MARCHF1: variants seen among roughly 807,000 people sequenced by gnomAD.
The protein encoded by MARCHF1 is membrane associated ring-CH-type finger 1.
Under a neutral mutation model 54.2 loss-of-function variants are expected in MARCHF1, and 40 were observed. The observed-to-expected ratio is 0.74, with a 90% CI of 0.57 to 0.96. The LOEUF (loss-of-function observed/expected upper bound fraction) is 0.96. Ranked by LOEUF, MARCHF1 falls within the 40% of genes least tolerant of loss-of-function variation. The probability of loss-of-function intolerance (pLI) is 0.00; values close to 1 mark genes in which losing one functional copy is unlikely to be tolerated. For synonymous variants in MARCHF1, 236 were observed against 236.3 expected, an observed-to-expected ratio of 1.00 and a Z score of 0.01; for missense variants, 586 against 656.5, an observed-to-expected ratio of 0.89 and a Z score of 1.17.
chr4:163,830,548 G>C (rs1030117430), intron 4 of MARCHF1, among the ~76,000 whole-genome samples: 8 of 152,164 alleles, frequency 5.3e-5, no homozygotes, highest in Admixed American at 5.2e-4. Context: ...TTCCAGATTT[G>C]GAAAGGTAAA....
At chr4:163,744,394 TAGTA>T (rs535459418) in intron 4 of MARCHF1, among the ~76,000 whole-genome samples, 2 of 152,328 alleles carry the variant, frequency 1.3e-5, no homozygotes, top group East Asian at 1.9e-4. Flanking sequence ...ACCTCTTATA[TAGTA>T]AGTATCTCCT....
chr4:163,789,642 T>C (rs1319232933), intron 4 of MARCHF1, among the ~76,000 whole-genome samples: 1 of 152,076 alleles, frequency 6.6e-6, no homozygotes, highest in East Asian at 1.9e-4. Flanking sequence ...GGGGCATAAA[T>C]TTAGCATTTT....
rs567383405 is a variant in MARCHF1 at position 163,893,108 on chromosome 4, C to T, written c.-38-38939G>A. Among the ~76,000 whole-genome samples, 66 of 151,416 alleles carry T rather than the reference C, an allele frequency of 4.4e-4. 1 individual carries two copies. The highest frequency in any genetic ancestry group is 1.5e-3 in the Admixed American group (22 of 15,172). On this transcript the variant is annotated intron_variant, in intron 3 of 9. Coordinates refer to ENST00000514618, the MANE Select transcript of MARCHF1 (RefSeq NM_001394959.1). ...TCTGGACAGTAAACAAACCTCCTTC[C>T]GCTCCAGAGGGAGACCCAACCTTAC...
At chr4:164,045,586 T>G (rs921608264) in intron 2 of MARCHF1, among the ~76,000 whole-genome samples, 1 of 151,752 alleles carries the variant, frequency 6.6e-6, no homozygotes, top group Non-Finnish European at 1.5e-5. Context: ...GATTATGTGC[T>G]TCAGATTTAG....
At chr4:163,970,100 T>C (rs1752520359) in intron 3 of MARCHF1, among the ~76,000 whole-genome samples, 1 of 152,190 alleles carries the variant, frequency 6.6e-6, no homozygotes, top group Admixed American at 6.5e-5. Context: ...CACAGTGACT[T>C]AGACTACTCT....
chr4:163,702,920 G>T (rs1377929996), intron 4 of MARCHF1, among the ~76,000 whole-genome samples: 1 of 152,146 alleles, frequency 6.6e-6, no homozygotes, highest in African/African-American at 2.4e-5. Context: ...TTAACACGTG[G>T]TAGGACAGTG....
In MARCHF1 at chr4:163,907,334, T is replaced by C. The variant is rs574056715; in HGVS notation, c.-38-53165A>G. ...TTTACATGTTTGTGTAATTTTGTCT[T>C]GTTTGTTTTAAGAAAATGTAAGTAG... On this transcript the variant is annotated intron_variant, in intron 3 of 9. Coordinates refer to ENST00000514618, the MANE Select transcript of MARCHF1 (RefSeq NM_001394959.1). Among the ~76,000 whole-genome samples the C allele has an allele frequency of 1.6e-4, 25 of 152,160 alleles. No individual in the cohort carries two copies. The South Asian group carries it at 1.7e-3, about 10-fold the overall frequency.
At chr4:163,839,179 T>A (rs1032487492) in intron 4 of MARCHF1, among the ~76,000 whole-genome samples, 1 of 151,994 alleles carries the variant, frequency 6.6e-6, no homozygotes, top group Non-Finnish European at 1.5e-5. Context: ...CATCACTTCA[T>A]ACCAATTAGC....
chr4:163,639,692 A>G (rs1052176461), intron 5 of MARCHF1, among the ~76,000 whole-genome samples: 3 of 152,076 alleles, frequency 2.0e-5, no homozygotes, highest in African/African-American at 7.2e-5. Flanking sequence ...TTGTCACACT[A>G]TTTGGACTTT....
At chr4:164,175,760 C>A (rs1157397046) in intron 1 of MARCHF1, among the ~76,000 whole-genome samples, 1 of 152,206 alleles carries the variant, frequency 6.6e-6, no homozygotes, top group East Asian at 1.9e-4. Context: ...GAACTTCCAG[C>A]CCACCACGCT....
intron 4 of MARCHF1, among the ~76,000 whole-genome samples, chr4:163,727,305 CTTTT>C (rs1435776821): frequency 7.4e-6 from 1 of 135,110 alleles, no homozygotes; most frequent in African/African-American, 2.7e-5. Context: ...AAATTCATTT[CTTTT>C]TTTTCTTTTT....
intron 8 of MARCHF1, among the ~76,000 whole-genome samples, chr4:163,580,037 A>C (rs1740168608): frequency 6.6e-6 from 1 of 150,662 alleles, no homozygotes; most frequent in South Asian, 2.1e-4. Flanking sequence ...GTTCATCCAG[A>C]ATTGTCTTTT....
intron 2 of MARCHF1, among the ~76,000 whole-genome samples, chr4:164,110,789 GA>G (rs1420438940): frequency 4.0e-5 from 6 of 151,368 alleles, no homozygotes; most frequent in Non-Finnish European, 8.9e-5. Flanking sequence ...TCTGTCATAG[GA>G]AACTACTTAT....
chr4:164,371,540 A>G (rs948425043), intron 1 of MARCHF1, among the ~76,000 whole-genome samples: 1 of 152,184 alleles, frequency 6.6e-6, no homozygotes, highest in Non-Finnish European at 1.5e-5. Context: ...ATTCTTAAAA[A>G]TTCATTTTAA....
chr4:164,271,292 A>G (rs1318154119), intron 1 of MARCHF1, among the ~76,000 whole-genome samples: 1 of 152,176 alleles, frequency 6.6e-6, no homozygotes, highest in Admixed American at 6.5e-5. Context: ...AGATGGGCCC[A>G]GTCTAATCAC....
At chr4:163,774,444 T>TA (rs1476257628) in intron 4 of MARCHF1, among the ~76,000 whole-genome samples, 1 of 150,194 alleles carries the variant, frequency 6.7e-6, no homozygotes, top group Non-Finnish European at 1.5e-5. Context: ...TAGGGAAAGA[T>TA]AAAAGCTGAT....
At chr4:163,721,944 T>C (rs995682133) in intron 4 of MARCHF1, among the ~76,000 whole-genome samples, 3 of 152,178 alleles carry the variant, frequency 2.0e-5, no homozygotes, top group South Asian at 4.1e-4. Context: ...GTCTTGCTAG[T>C]GGTCTATCAA....
rs959142103 is a variant in MARCHF1, at chr4:163,525,221, C to T, written c.*3527G>A. Reference sequence around the variant, plus strand: ...CAGCCCCAGGACCCTTATAATGTCCCTTAATGGTGTCATTGTTCTAATGAG... The same window carrying T: ...CAGCCCCAGGACCCTTATAATGTCCTTTAATGGTGTCATTGTTCTAATGAG... On this transcript the variant is annotated 3_prime_UTR_variant, in exon 10 of 10. Transcript: ENST00000514618. The T allele has an allele frequency of 6.6e-6, 1 of 152,054 alleles. No individual in the cohort carries two copies. Among genetic ancestry groups the T allele is most frequent in the African/African-American group, 2.4e-5 (1 of 41,420 alleles). The allele number at this position is 152,054 out of a possible 1,614,324, so 9.4% of individuals were successfully genotyped here. A position where few individuals can be genotyped will look rare whatever the true frequency, so the allele number is the denominator to read the frequency against.
chr4:164,009,546 A>G (rs1400466448), intron 2 of MARCHF1, among the ~76,000 whole-genome samples: 1 of 152,224 alleles, frequency 6.6e-6, no homozygotes, highest in Non-Finnish European at 1.5e-5. Flanking sequence ...AGTTCTCAAC[A>G]AAATACTACC....
Sources: gnomAD v4.1 joint callset for allele counts (sites outside exome capture counted in the v4.1 genomes callset) on GRCh38, gnomAD v4.1.1 for gene constraint, MANE v1.5 for transcripts, NCBI Gene and HGNC (gene_info 2026-07-23, HGNC 2026-07-21) for gene names.